Variants in WDFY3 observed in about 807,000 individuals in gnomAD.
The protein encoded by WDFY3 is WD repeat and FYVE domain-containing protein 3.
A neutral mutation model predicts 409.6 loss-of-function variants in WDFY3; 66 were observed. The ratio of observed to expected loss-of-function variants is 0.16; its 90% CI spans 0.13 to 0.20. WDFY3 has a LOEUF of 0.20. Ranked by LOEUF, WDFY3 falls within the 10% of genes least tolerant of loss-of-function variation. The pLI is 1.00. For synonymous variants in WDFY3, 1,521 were observed against 1,537.1 expected, an observed-to-expected ratio of 0.99 and a Z score of 0.25; for missense variants, 3,031 against 4,298.1, an observed-to-expected ratio of 0.71 and a Z score of 8.24.
intron 2 of WDFY3, among the ~76,000 whole-genome samples, chr4:84,923,176 CAAG>C (rs1769506392): frequency 6.6e-6 from 1 of 152,242 alleles, no homozygotes; most frequent in African/African-American, 2.4e-5. Flanking sequence ...ACAGCAGGTA[CAAG>C]AAGATCATTC....
intron 1 of WDFY3, among the ~76,000 whole-genome samples, chr4:84,941,145 A>G (rs1772066869): frequency 6.6e-6 from 1 of 152,024 alleles, no homozygotes; most frequent in Non-Finnish European, 1.5e-5. Flanking sequence ...TGAAAAATAA[A>G]TAAAAGGCAA....
intron 1 of WDFY3, chr4:84,965,578 G>C (rs1775536239): frequency 6.6e-6 from 1 of 152,192 alleles, no homozygotes; most frequent in Non-Finnish European, 1.5e-5. Context: ...CTTAAATCCC[G>C]CCGTAACTGT....
chr4:84,748,847 CAAAGGT>C, intron 36 of WDFY3, among the ~76,000 whole-genome samples: 1 of 151,638 alleles, frequency 6.6e-6, no homozygotes, highest in Non-Finnish European at 1.5e-5. Context: ...CCTTCCTTCA[CAAAGGT>C]AAATGGTAAA....
At chr4:84,913,213 GA>G (rs752025193) in intron 2 of WDFY3, among the ~76,000 whole-genome samples, 6 of 152,210 alleles carry the variant, frequency 3.9e-5, no homozygotes, top group Non-Finnish European at 7.4e-5. Context: ...CTACTCTATG[GA>G]AAGGATTGCC....
At chr4:84,820,780 C>T (rs1753943448) in intron 11 of WDFY3, among the ~76,000 whole-genome samples, 1 of 152,006 alleles carries the variant, frequency 6.6e-6, no homozygotes, top group Admixed American at 6.6e-5. Context: ...GCTTTTAAAG[C>T]TCGCTCTTAG....
intron 51 of WDFY3, among the ~76,000 whole-genome samples, chr4:84,710,068 T>C (rs1418070620): frequency 6.6e-5 from 10 of 152,120 alleles, no homozygotes; most frequent in Non-Finnish European, 2.9e-5. Flanking sequence ...TTTGTAGAGA[T>C]GGGGTCTTGG....
chr4:84,804,077 T>A (rs934055103), intron 15 of WDFY3: 2 of 152,190 alleles, frequency 1.3e-5, no homozygotes, highest in Non-Finnish European at 2.9e-5. Flanking sequence ...AAAATATTCA[T>A]TGCAACTTTT....
chr4:84,882,910 G>T (rs1296438776), intron 3 of WDFY3, among the ~76,000 whole-genome samples: 1 of 151,930 alleles, frequency 6.6e-6, no homozygotes, highest in Non-Finnish European at 1.5e-5. Flanking sequence ...GTCTCACTAC[G>T]TTGCCCAGGT....
At chr4:84,782,067 T>G (rs1029290800) in intron 25 of WDFY3, among the ~76,000 whole-genome samples, 1 of 152,150 alleles carries the variant, frequency 6.6e-6, no homozygotes, top group African/African-American at 2.4e-5. Flanking sequence ...TGTCTCAAGA[T>G]CCTATCTAAC....
intron 46 of WDFY3, 102 bp downstream of exon 46, chr4:84,724,324 A>C: frequency 7.6e-7 from 1 of 1,318,476 alleles, no homozygotes; most frequent in Non-Finnish European, 1.0e-6. Flanking sequence ...GGATATTTTT[A>C]AAGTTGGCCC....
chr4:84,882,057 T>G (rs549114518), intron 3 of WDFY3, among the ~76,000 whole-genome samples: 94 of 152,304 alleles, frequency 6.2e-4, no homozygotes, highest in African/African-American at 2.2e-3. Context: ...CTTGAAGTCA[T>G]GCCTTTTGAC....
At chr4:84,798,175 T>G in intron 17 of WDFY3, 67 bp from the exon 18 acceptor site, 3 of 1,325,024 alleles carry the variant, frequency 2.3e-6, no homozygotes, top group Non-Finnish European at 3.1e-6. Context: ...AACCAAATAT[T>G]CAGAAAAAGA....
At position 84,837,395 on chromosome 4, in the gene WDFY3, C is replaced by T. The variant is rs148181233; in HGVS notation, c.415-305G>A. ...TTTAGAAAAAGACACTTAATAACTA[C>T]GAACTTCAGCAAACTACTTAATTCT... is the stretch of plus-strand genomic sequence containing the variant. On this transcript the variant is annotated intron_variant, in intron 6 of 67. Transcript: ENST00000295888. Among the ~76,000 whole-genome samples, 651 of 152,154 alleles carry T rather than the reference C, an allele frequency of 4.3e-3. 4 individuals are homozygous for T. Among genetic ancestry groups the T allele is most frequent in the African/African-American group, 0.015 (610 of 41,536 alleles).
At chr4:84,680,352 C>T (rs1206342859) in intron 64 of WDFY3, among the ~76,000 whole-genome samples, 1 of 152,046 alleles carries the variant, frequency 6.6e-6, no homozygotes, top group Non-Finnish European at 1.5e-5. Context: ...TGTAGTGGAG[C>T]GATCATAGCT....
intron 40 of WDFY3, among the ~76,000 whole-genome samples, chr4:84,738,483 T>C (rs1449523160): frequency 6.6e-6 from 1 of 151,510 alleles, no homozygotes; most frequent in African/African-American, 2.4e-5. Context: ...GCACCTGTAG[T>C]CCCAGCTATT....
At chr4:84,784,132 T>C (rs931863764) in intron 24 of WDFY3, among the ~76,000 whole-genome samples, 1 of 152,178 alleles carries the variant, frequency 6.6e-6, no homozygotes, top group African/African-American at 2.4e-5. Context: ...TTCTCCCTTC[T>C]CACTGACTGC....
chr4:84,905,490 T>C (rs977188304), intron 2 of WDFY3, among the ~76,000 whole-genome samples: 4 of 152,196 alleles, frequency 2.6e-5, no homozygotes, highest in African/African-American at 9.7e-5. Flanking sequence ...TTAAGTCCCA[T>C]TGGTTCCACC....
intron 6 of WDFY3, among the ~76,000 whole-genome samples, chr4:84,840,743 ATT>A (rs34303681): frequency 4.2e-5 from 6 of 141,694 alleles, no homozygotes; most frequent in Non-Finnish European, 7.7e-5. Context: ...CGCTCAGCTA[ATT>A]TTTTTTTTTT....
intron 1 of WDFY3, among the ~76,000 whole-genome samples, chr4:84,947,436 C>T (rs1409599494): frequency 6.7e-6 from 1 of 149,438 alleles, no homozygotes; most frequent in African/African-American, 2.5e-5. Flanking sequence ...CGCTTGAACT[C>T]GGGAGGTGGA....
Sources: allele counts gnomAD v4.1 joint callset (sites outside exome capture counted in the v4.1 genomes callset), GRCh38; gene constraint gnomAD v4.1.1; transcripts MANE v1.5; gene names NCBI Gene and HGNC (gene_info 2026-07-23, HGNC 2026-07-21).